The following KLF8 variants were observed in gnomAD, a reference collection of about 807,000 sequenced individuals.
KLF8 encodes the protein Krueppel-like factor 8.
Under a neutral mutation model 18.2 loss-of-function variants are expected in KLF8, and 10 were observed. That is an observed-to-expected ratio of 0.55 (90% CI 0.34 to 0.93). The LOEUF is 0.93. KLF8 is among the 40% of genes least tolerant of loss of function. The probability of loss-of-function intolerance (pLI) is 0.02; values close to 1 mark genes in which losing one functional copy is unlikely to be tolerated. For missense variants in KLF8, 264 were observed against 277.9 expected (o/e 0.95, Z 0.36); for synonymous variants, 109 against 97.3 (o/e 1.12, Z -0.71).
At chrX:56,153,941 A>G in the KLF8 span, among the ~76,000 whole-genome samples, 2 of 111,853 alleles carry the variant, frequency 1.8e-5, no homozygotes, top group African/African-American at 6.5e-5. Flanking sequence ...GGATACAAAC[A>G]AATGGAAGAA....
the KLF8 span, among the ~76,000 whole-genome samples, chrX:56,060,737 T>C: frequency 3.6e-5 from 4 of 112,115 alleles, no homozygotes; most frequent in Non-Finnish European, 5.6e-5. Context: ...GTTCCTGTTT[T>C]TCTATTGTTT....
At chrX:56,094,907 T>C in the KLF8 span, among the ~76,000 whole-genome samples, 1 of 111,387 alleles carries the variant, frequency 9.0e-6, no homozygotes. Context: ...GATGAACCAA[T>C]GTCATTAAAA....
chrX:55,920,382 A>T, the KLF8 span, among the ~76,000 whole-genome samples: 1 of 111,829 alleles, frequency 8.9e-6, no homozygotes, highest in Middle Eastern at 4.6e-3. Context: ...TACCCAAAAT[A>T]TCCTGCCAGC....
the KLF8 span, among the ~76,000 whole-genome samples, chrX:56,111,711 C>G: frequency 3.7e-4 from 41 of 111,851 alleles, no homozygotes; most frequent in Non-Finnish European, 7.0e-4. Context: ...ATTTATGCAG[C>G]CAACAAACAT....
At chrX:55,959,827 G>A in the KLF8 span, among the ~76,000 whole-genome samples, 1 of 110,973 alleles carries the variant, frequency 9.0e-6, no homozygotes, top group Non-Finnish European at 1.9e-5. Flanking sequence ...TCAGGATACG[G>A]TGCATGAAAT....
chrX:55,938,710 A>G, the KLF8 span, among the ~76,000 whole-genome samples: 16 of 110,776 alleles, frequency 1.4e-4, 1 homozygote, highest in Non-Finnish European at 2.5e-4. Flanking sequence ...ACAAAAAAAG[A>G]CAGGGGTTGC....
the KLF8 span, among the ~76,000 whole-genome samples, chrX:56,162,965 G>T: frequency 8.9e-6 from 1 of 112,074 alleles, no homozygotes; most frequent in Non-Finnish European, 1.9e-5. Context: ...TGGTGTTTAT[G>T]TACCATATTT....
At chrX:56,052,002 A>G in the KLF8 span, among the ~76,000 whole-genome samples, 17 of 109,857 alleles carry the variant, frequency 1.5e-4, no homozygotes, top group East Asian at 2.9e-4. Context: ...TTCCCTTCTC[A>G]CTTCATTTCA....
chrX:55,948,018 T>A, the KLF8 span, among the ~76,000 whole-genome samples: 2 of 112,217 alleles, frequency 1.8e-5, no homozygotes, highest in African/African-American at 6.5e-5. Context: ...GTGTATTAGA[T>A]GTTGAAAATA....
At chrX:56,014,416 A>G in the KLF8 span, among the ~76,000 whole-genome samples, 9 of 112,488 alleles carry the variant, frequency 8.0e-5, no homozygotes, top group Non-Finnish European at 1.3e-4. Context: ...GCAAATCAAA[A>G]CCACAATGAG....
chrX:55,928,039 A>G, the KLF8 span, among the ~76,000 whole-genome samples: 5 of 112,304 alleles, frequency 4.5e-5, no homozygotes, highest in East Asian at 1.4e-3. Context: ...TTTGGAATCC[A>G]ATACAGAATA....
chrX:56,088,487 G>T, the KLF8 span, among the ~76,000 whole-genome samples: 1 of 111,407 alleles, frequency 9.0e-6, no homozygotes, highest in Non-Finnish European at 1.9e-5. Context: ...GGATAGTAAG[G>T]ATATATGTGC....
the KLF8 span, among the ~76,000 whole-genome samples, chrX:56,078,216 T>G: frequency 8.9e-6 from 1 of 112,048 alleles, no homozygotes; most frequent in Non-Finnish European, 1.9e-5. Context: ...CCCTGTCTTG[T>G]GCCAGTTTTC....
chrX:56,181,862 G>C, the KLF8 span, among the ~76,000 whole-genome samples: 1 of 105,919 alleles, frequency 9.4e-6, no homozygotes, highest in Admixed American at 1.0e-4. Context: ...CTTTGTGGTT[G>C]ACCTGACCTT....
the KLF8 span, chrX:55,908,519 T>A: frequency 3.4e-6 from 1 of 296,258 alleles, no homozygotes; most frequent in Non-Finnish European, 5.9e-6. Flanking sequence ...CCGGGGGAGG[T>A]AAGCTAACGA....
chrX:56,052,836 C>A, the KLF8 span, among the ~76,000 whole-genome samples: 2 of 111,730 alleles, frequency 1.8e-5, no homozygotes, highest in Admixed American at 9.5e-5. Context: ...CCTAATCAAG[C>A]CTGGGCAATG....
At chrX:56,181,562 T>C in the KLF8 span, among the ~76,000 whole-genome samples, 6 of 111,919 alleles carry the variant, frequency 5.4e-5, no homozygotes, top group Non-Finnish European at 1.1e-4. Flanking sequence ...CTAGCATCAG[T>C]GGTCTTTACA....
At chrX:56,132,978 C>T in the KLF8 span, among the ~76,000 whole-genome samples, 1 of 110,699 alleles carries the variant, frequency 9.0e-6, no homozygotes, top group Non-Finnish European at 1.9e-5. Flanking sequence ...GAATTAGAGA[C>T]CATGAACAGA....
the KLF8 span, among the ~76,000 whole-genome samples, chrX:56,189,881 GA>G: frequency 3.5e-5 from 2 of 57,588 alleles, no homozygotes; most frequent in African/African-American, 1.4e-4. Flanking sequence ...GGGGTGGGGG[GA>G]GGGGGGAGGG....
Sources: gnomAD v4.1 joint callset for allele counts (sites outside exome capture counted in the v4.1 genomes callset) on GRCh38, gnomAD v4.1.1 for gene constraint, MANE v1.5 for transcripts, NCBI Gene and HGNC (gene_info 2026-07-23, HGNC 2026-07-21) for gene names.